Variants in COL22A1 observed in about 807,000 individuals in gnomAD.
COL22A1 encodes the protein collagen alpha-1(XXII) chain.
COL22A1 carries 221 observed loss-of-function variants against 248.9 expected under a neutral mutation model. That is an observed-to-expected ratio of 0.89 (90% CI 0.80 to 0.99). The LOEUF is 0.99. Ranked by LOEUF, COL22A1 falls within the 50% of genes least tolerant of loss-of-function variation. COL22A1 has a pLI of 0.00. For missense variants in COL22A1, 2,240 were observed against 2,179.0 expected (o/e 1.03, Z -0.56); for synonymous variants, 891 against 793.4 (o/e 1.12, Z -2.07).
At chr8:138,607,720 G>A (rs141409000) in intron 57 of COL22A1, among the ~76,000 whole-genome samples, 4 of 152,152 alleles carry the variant, frequency 2.6e-5, no homozygotes, top group Admixed American at 1.3e-4. Context: ...AGATGCCTAC[G>A]GTTATAGTCA....
At chr8:138,646,464 T>G (rs1411098783) in intron 47 of COL22A1, among the ~76,000 whole-genome samples, 165 bp downstream of exon 47, 1 of 152,230 alleles carries the variant, frequency 6.6e-6, no homozygotes. Flanking sequence ...TGAAGTGACC[T>G]GCCCATGGTC....
At chr8:138,857,526 G>A (rs1264123838) in intron 3 of COL22A1, among the ~76,000 whole-genome samples, 1 of 152,114 alleles carries the variant, frequency 6.6e-6, no homozygotes, top group Non-Finnish European at 1.5e-5. Context: ...GCTGACCCTG[G>A]GGCATGGAGC....
In COL22A1 at chr8:138,755,198, G is replaced by A; in HGVS notation, c.1990C>T (p.Pro664Ser). ...CCGGGGGCGCCTTGGTGACCTCTGG[G>A]TCCTGGAGCTCCCTGGTAACACAAG... ...GLKGEQGAPG[P>S]RGHQGAPGPP... The change falls in exon 21 of 65, where the codon CCC becomes TCC. Residue 664 changes from proline (P) to serine (S), a missense_variant. By Grantham distance (74) the Pro-to-Ser change is moderately conservative (BLOSUM62 -1). Transcript: ENST00000303045. The A allele has an allele frequency of 1.2e-6, 2 of 1,614,052 alleles. No homozygotes were observed. The highest frequency in any genetic ancestry group is 1.1e-5 in the South Asian group (1 of 91,060).
In COL22A1 at chr8:138,826,910, C is replaced by A. The variant is rs1819631654; in HGVS notation, c.846-129G>T. The A allele has an allele frequency of 3.5e-6, 4 of 1,150,164 alleles. No individual in the cohort carries two copies. The South Asian group carries it at 4.5e-5, about 13-fold the overall frequency. The allele number at this position is 1,150,164 out of a possible 1,614,324, so 71.2% of individuals were successfully genotyped here. A position where few individuals can be genotyped will look rare whatever the true frequency, so the allele number is the denominator to read the frequency against. On this transcript the variant is annotated intron_variant, in intron 5 of 64. Coordinates refer to ENST00000303045, the MANE Select transcript of COL22A1 (RefSeq NM_152888.3). ...CTTCCTAAATATTTCCACCATCCAC[C>A]TTCTTGGCCTGCCTTCACTGCCTTC... is the stretch of plus-strand genomic sequence containing the variant.
intron 22 of COL22A1, among the ~76,000 whole-genome samples, chr8:138,740,855 C>A (rs559223584): frequency 6.6e-6 from 1 of 152,124 alleles, no homozygotes; most frequent in African/African-American, 2.4e-5. Context: ...CCTTCCGCAC[C>A]CCCAGCATCA....
intron 47 of COL22A1, among the ~76,000 whole-genome samples, chr8:138,640,065 C>T (rs1036278321): frequency 1.3e-5 from 2 of 152,212 alleles, no homozygotes; most frequent in Non-Finnish European, 2.9e-5. Flanking sequence ...GTTGTATCAG[C>T]TTGGCTATCT....
At chr8:138,890,615 G>T (rs62528820) in intron 1 of COL22A1, among the ~76,000 whole-genome samples, 15,924 of 152,006 alleles carry the variant, frequency 0.1, 903 homozygotes, top group Middle Eastern at 0.16. Context: ...GTCCAGCTAC[G>T]GATGGCATGA....
chr8:138,907,337 C>T (rs1481570358), intron 1 of COL22A1, among the ~76,000 whole-genome samples: 1 of 152,164 alleles, frequency 6.6e-6, no homozygotes, highest in Non-Finnish European at 1.5e-5. Flanking sequence ...CAGTGTCTAG[C>T]AAATTCAGGC....
intron 27 of COL22A1, among the ~76,000 whole-genome samples, chr8:138,718,110 GGAGA>G: frequency 6.8e-6 from 1 of 148,098 alleles, no homozygotes; most frequent in East Asian, 1.9e-4. Context: ...CCAACTTATT[GGAGA>G]GAAAGACAAA....
rs193213399 is a variant in COL22A1, at chr8:138,799,700, G to T, written c.1558-2843C>A. 1.3e-4 allele frequency among the ~76,000 whole-genome samples: 20 copies of T among 152,160 alleles called. No individual in the cohort carries two copies. In the East Asian group the frequency reaches 3.9e-3, roughly 29 times the overall value. On this transcript the variant is annotated intron_variant, in intron 11 of 64. Coordinates refer to ENST00000303045, the MANE Select transcript of COL22A1 (RefSeq NM_152888.3). ...TGCTGACATTCAATCCAGCTCTTAG[G>T]TTCCATTACTTTCCAAATGATCCCT...
intron 3 of COL22A1, among the ~76,000 whole-genome samples, chr8:138,875,872 C>T (rs772462942): frequency 2.6e-5 from 4 of 152,322 alleles, no homozygotes; most frequent in Non-Finnish European, 5.9e-5. Flanking sequence ...ACAGCCAATG[C>T]CTTGCATGCT....
At chr8:138,813,041 G>C (rs778391677) in intron 7 of COL22A1, 22 bp from the exon 8 acceptor site, 7 of 1,602,964 alleles carry the variant, frequency 4.4e-6, no homozygotes, top group Non-Finnish European at 4.3e-6. Flanking sequence ...AGCAAGGAGA[G>C]AGGATAAGTT....
At chr8:138,899,690 A>G (rs1214634770) in intron 1 of COL22A1, among the ~76,000 whole-genome samples, 1 of 151,826 alleles carries the variant, frequency 6.6e-6, no homozygotes, top group Non-Finnish European at 1.5e-5. Context: ...TGCCCGGCTA[A>G]TTTTTGTATT....
chr8:138,735,186 A>G (rs577734574), intron 23 of COL22A1, among the ~76,000 whole-genome samples: 1 of 152,312 alleles, frequency 6.6e-6, no homozygotes, highest in African/African-American at 2.4e-5. Flanking sequence ...AGTAAAATAA[A>G]ATTAAACTTT....
intron 41 of COL22A1, among the ~76,000 whole-genome samples, chr8:138,666,468 T>C (rs1489074224): frequency 6.6e-6 from 1 of 152,226 alleles, no homozygotes; most frequent in African/African-American, 2.4e-5. Context: ...AACCATTAAA[T>C]AGCTTGGCTA....
intron 13 of COL22A1, among the ~76,000 whole-genome samples, chr8:138,780,420 G>A (rs1291238223): frequency 6.6e-6 from 1 of 152,202 alleles, no homozygotes; most frequent in Admixed American, 6.5e-5. Context: ...TTGGTGGAGA[G>A]GAGACTGACC....
At chr8:138,596,386 G>T (rs961364470) in intron 62 of COL22A1, among the ~76,000 whole-genome samples, 1 of 152,106 alleles carries the variant, frequency 6.6e-6, no homozygotes, top group Non-Finnish European at 1.5e-5. Context: ...TAGCTCACAT[G>T]GCCCCTCCTC....
chr8:138,637,287 G>A (rs982637135), intron 47 of COL22A1, among the ~76,000 whole-genome samples: 9 of 152,150 alleles, frequency 5.9e-5, no homozygotes, highest in Non-Finnish European at 1.2e-4. Context: ...TGCAGAACAG[G>A]TGTGAGGGTG....
Position 138,755,220 on chromosome 8 carries a change from C to T in COL22A1, c.1978-10G>A, listed in dbSNP as rs1832901269. On this transcript the variant is annotated splice_polypyrimidine_tract_variant and intron_variant, in intron 20 of 64. Transcript: ENST00000303045. Reference sequence around the variant, plus strand: ...TGGGTCCTGGAGCTCCCTGGTAACACAAGCCAAACAGATGTTTAGTCATGA... The same window carrying T: ...TGGGTCCTGGAGCTCCCTGGTAACATAAGCCAAACAGATGTTTAGTCATGA... 2 of 1,613,892 alleles carry T rather than the reference C, an allele frequency of 1.2e-6. No individual in the cohort carries two copies. Among genetic ancestry groups the T allele is most frequent in the East Asian group, 4.5e-5 (2 of 44,856 alleles).
Sources: allele counts gnomAD v4.1 joint callset (sites outside exome capture counted in the v4.1 genomes callset), GRCh38; gene constraint gnomAD v4.1.1; transcripts MANE v1.5; gene names NCBI Gene and HGNC (gene_info 2026-07-23, HGNC 2026-07-21).